The following GALNT13 variants were observed in gnomAD, a reference collection of about 807,000 sequenced individuals.
GALNT13 encodes polypeptide N-acetylgalactosaminyltransferase 13.
GALNT13 carries 28 observed loss-of-function variants against 64.2 expected under a neutral mutation model. The observed-to-expected ratio is 0.44, with a 90% CI of 0.32 to 0.60. The LOEUF is 0.60. Ranked by LOEUF, GALNT13 falls within the 20% of genes least tolerant of loss-of-function variation. The pLI is 0.05. For synonymous variants in GALNT13, 214 were observed against 224.6 expected, an observed-to-expected ratio of 0.95 and a Z score of 0.42; for missense variants, 577 against 669.8, an observed-to-expected ratio of 0.86 and a Z score of 1.53.
the GALNT13 span, among the ~76,000 whole-genome samples, chr2:153,630,805 ATATT>A: frequency 6.6e-3 from 99 of 14,970 alleles, 1 homozygote; most frequent in African/African-American, 0.01. Flanking sequence ...ATATATATAT[ATATT>A]TTTTTTTTTT....
the GALNT13 span, among the ~76,000 whole-genome samples, chr2:153,818,042 C>G: frequency 6.6e-6 from 1 of 151,986 alleles, no homozygotes; most frequent in South Asian, 2.1e-4. Flanking sequence ...GTGACAGGAC[C>G]CACAGAGAAT....
intron 3 of GALNT13, among the ~76,000 whole-genome samples, chr2:153,963,644 A>G (rs1693093614): frequency 6.7e-6 from 1 of 148,900 alleles, no homozygotes; most frequent in African/African-American, 2.5e-5. Flanking sequence ...TCTCATTGTG[A>G]TTTTGACTTG....
chr2:153,817,814 C>A, the GALNT13 span, among the ~76,000 whole-genome samples: 4 of 152,032 alleles, frequency 2.6e-5, no homozygotes, highest in African/African-American at 9.7e-5. Context: ...GTATAAACTA[C>A]CCAAATTTAT....
At chr2:153,936,991 A>G (rs1690980137) in intron 2 of GALNT13, among the ~76,000 whole-genome samples, 1 of 152,168 alleles carries the variant, frequency 6.6e-6, no homozygotes, top group Admixed American at 6.5e-5. Flanking sequence ...TGCTGGGATT[A>G]CAGGCGTGAG....
At chr2:154,324,743 C>T (rs1001067750) in intron 9 of GALNT13, among the ~76,000 whole-genome samples, 1 of 152,016 alleles carries the variant, frequency 6.6e-6, no homozygotes, top group Non-Finnish European at 1.5e-5. Context: ...GTGCACAGAG[C>T]AAAAGATGAG....
the GALNT13 span, among the ~76,000 whole-genome samples, chr2:153,610,130 G>C: frequency 6.6e-6 from 1 of 152,118 alleles, no homozygotes; most frequent in Admixed American, 6.5e-5. Flanking sequence ...CACATCAACA[G>C]CCATTACCAA....
chr2:154,228,606 A>G (rs1405999881), intron 4 of GALNT13, among the ~76,000 whole-genome samples: 1 of 152,200 alleles, frequency 6.6e-6, no homozygotes, highest in East Asian at 1.9e-4. Flanking sequence ...TTGCCAAGGA[A>G]GAAGGCTTTA....
At chr2:153,111,369 C>T in the GALNT13 span, among the ~76,000 whole-genome samples, 2 of 151,872 alleles carry the variant, frequency 1.3e-5, no homozygotes, top group African/African-American at 2.4e-5. Flanking sequence ...TTATTCTAAT[C>T]TCTTGATTGG....
chr2:153,794,309 A>T, the GALNT13 span, among the ~76,000 whole-genome samples: 1 of 152,120 alleles, frequency 6.6e-6, no homozygotes, highest in Admixed American at 6.6e-5. Context: ...AATTTAGGAA[A>T]TTTTACTGGT....
the GALNT13 span, among the ~76,000 whole-genome samples, chr2:153,811,156 G>GA: frequency 5.3e-5 from 8 of 152,184 alleles, no homozygotes; most frequent in African/African-American, 1.7e-4. Flanking sequence ...CGGAGGTTCA[G>GA]AAAGGTTAGA....
chr2:154,078,527 A>G, intron 3 of GALNT13, among the ~76,000 whole-genome samples: 1 of 151,444 alleles, frequency 6.6e-6, no homozygotes, highest in South Asian at 2.1e-4. Flanking sequence ...ATCTTTCTTT[A>G]TCTCTGAATA....
chr2:154,021,712 G>T (rs1490495673), intron 3 of GALNT13, among the ~76,000 whole-genome samples: 10 of 151,654 alleles, frequency 6.6e-5, no homozygotes, highest in South Asian at 4.2e-4. Flanking sequence ...CTGCCTGATT[G>T]CCCTGGCCAG....
intron 3 of GALNT13, among the ~76,000 whole-genome samples, chr2:154,019,587 C>G (rs911532329): frequency 2.8e-5 from 4 of 145,350 alleles, no homozygotes; most frequent in African/African-American, 1.0e-4. Flanking sequence ...TCCAGCCTGG[C>G]CACAGAGTAA....
the GALNT13 span, among the ~76,000 whole-genome samples, chr2:153,476,656 C>A: frequency 6.6e-6 from 1 of 152,196 alleles, no homozygotes; most frequent in African/African-American, 2.4e-5. Flanking sequence ...CCTCGGCTAA[C>A]TCCTCTCAAC....
chr2:153,634,155 T>C, the GALNT13 span, among the ~76,000 whole-genome samples: 1 of 152,090 alleles, frequency 6.6e-6, no homozygotes. Flanking sequence ...ACCGGGAAAA[T>C]TATTTAGTAA....
At chr2:154,201,397 G>T (rs902510040) in intron 4 of GALNT13, among the ~76,000 whole-genome samples, 2 of 152,066 alleles carry the variant, frequency 1.3e-5, no homozygotes, top group Non-Finnish European at 2.9e-5. Flanking sequence ...TGAGACCAAC[G>T]CATCTCTTAC....
the GALNT13 span, among the ~76,000 whole-genome samples, chr2:153,590,751 A>G: frequency 6.6e-6 from 1 of 152,150 alleles, no homozygotes; most frequent in Non-Finnish European, 1.5e-5. Context: ...GCAAAAAAGT[A>G]TTTGATAAAA....
At chr2:153,210,901 T>C in the GALNT13 span, among the ~76,000 whole-genome samples, 1 of 152,192 alleles carries the variant, frequency 6.6e-6, no homozygotes, top group Admixed American at 6.5e-5. Context: ...GCTTGGGAAG[T>C]ATTAGTTACT....
At chr2:154,059,958 G>A (rs1466972745) in intron 3 of GALNT13, among the ~76,000 whole-genome samples, 1 of 152,102 alleles carries the variant, frequency 6.6e-6, no homozygotes, top group African/African-American at 2.4e-5. Flanking sequence ...TTCATATGTT[G>A]AAATCCTAAT....
Sources: gnomAD v4.1 joint callset for allele counts (sites outside exome capture counted in the v4.1 genomes callset) on GRCh38, gnomAD v4.1.1 for gene constraint, MANE v1.5 for transcripts, NCBI Gene and HGNC (gene_info 2026-07-23, HGNC 2026-07-21) for gene names.